The following STAT3 variants were observed in gnomAD, a reference collection of about 807,000 sequenced individuals.
STAT3 encodes signal transducer and activator of transcription 3.
Under a neutral mutation model 114.3 loss-of-function variants are expected in STAT3, and 7 were observed. The ratio of observed to expected loss-of-function variants is 0.06; its 90% CI spans 0.03 to 0.11. The LOEUF is 0.11. Among genes scored for constraint, STAT3 ranks in the 10% least tolerant of loss-of-function variants. The probability of loss-of-function intolerance (pLI) is 1.00; values close to 1 mark genes in which losing one functional copy is unlikely to be tolerated. For missense variants in STAT3, 364 were observed against 960.9 expected (o/e 0.38, Z 8.21); for synonymous variants, 331 against 354.5 (o/e 0.93, Z 0.74).
intron 1 of STAT3, among the ~76,000 whole-genome samples, chr17:42,378,930 C>A (rs1361690854): frequency 2.0e-5 from 3 of 152,144 alleles, no homozygotes; most frequent in African/African-American, 7.2e-5. Flanking sequence ...TTTTAGGAAG[C>A]TTTCACCGAA....
Position 42,333,573 on chromosome 17 carries a change from A to G in STAT3, c.1049+100T>C. On this transcript the variant is annotated intron_variant, in intron 10 of 23. Coordinates refer to ENST00000264657, the MANE Select transcript of STAT3 (RefSeq NM_139276.3). The surrounding 1 kb of genome is among the most constrained non-coding windows in gnomAD (Gnocchi z 5.2). ...CCCGCAACAGTGTACTGCCTGTGAC[A>G]CCACACCTGGAAAGAATGACCCTGG... 4 of 1,357,668 alleles carry G rather than the reference A, an allele frequency of 2.9e-6. No individual in the cohort carries two copies. The highest frequency in any genetic ancestry group is 4.2e-6 in the Non-Finnish European group (4 of 959,652). 84.1% of individuals were successfully genotyped at this position (1,357,668 alleles called of 1,614,324 possible).
intron 8 of STAT3, 91 bp from the exon 9 acceptor site, chr17:42,334,140 C>T: frequency 6.9e-7 from 1 of 1,449,952 alleles, no homozygotes; most frequent in South Asian, 1.2e-5. Flanking sequence ...GACATGGAGA[C>T]CACTACAATA....
chr17:42,330,620 G>A (rs563195060), intron 11 of STAT3, among the ~76,000 whole-genome samples: 69 of 150,850 alleles, frequency 4.6e-4, no homozygotes, highest in African/African-American at 1.6e-3. Context: ...TAGTAGAGAC[G>A]GGGTTTCACC....
intron 1 of STAT3, among the ~76,000 whole-genome samples, chr17:42,357,792 A>C (rs1275740963): frequency 6.6e-6 from 1 of 152,220 alleles, no homozygotes; most frequent in Non-Finnish European, 1.5e-5. Context: ...AGTTTAAAAC[A>C]TAACTCAAAA....
rs766679605 is a variant in STAT3, at chr17:42,329,464, GA to G, written c.1234-8del. 4 of 1,614,060 alleles carry G rather than the reference GA, an allele frequency of 2.5e-6. No individual in the cohort carries two copies. The highest frequency in any genetic ancestry group is 1.3e-5 in the African/African-American group (1 of 74,908). ...ATCTCTGCTCCCTCAGGGTCTGTAA[GA>G]AAAGAAAAAGGCAGGTGTCCTGTGA... On this transcript the variant is annotated splice_polypyrimidine_tract_variant and splice_region_variant and intron_variant, in intron 13 of 23. Coordinates refer to ENST00000264657, the MANE Select transcript of STAT3 (RefSeq NM_139276.3).
At chr17:42,376,332 G>A (rs1390554480) in intron 1 of STAT3, among the ~76,000 whole-genome samples, 1 of 152,100 alleles carries the variant, frequency 6.6e-6, no homozygotes. Context: ...CCACCACTGT[G>A]AGTCTGACAG....
intron 1 of STAT3, among the ~76,000 whole-genome samples, chr17:42,372,431 C>A (rs558973464): frequency 3.9e-5 from 6 of 152,272 alleles, no homozygotes; most frequent in African/African-American, 1.2e-4. Context: ...AAATGCATAT[C>A]ATTTACTGAA....
Position 42,348,100 on chromosome 17 carries a change from A to G in STAT3, c.128+289T>C, listed in dbSNP as rs1041421437. ...ATGTCTACCACATCACTGGATTATC[A>G]GAATATATAGAGGATCTGCCCAAGT... On this transcript the variant is annotated intron_variant, in intron 2 of 23. Transcript: ENST00000264657. Among the ~76,000 whole-genome samples the G allele has an allele frequency of 2.6e-5, 4 of 152,218 alleles. No individual in the cohort carries two copies. In the East Asian group the frequency reaches 5.8e-4, roughly 22 times the overall value.
chr17:42,350,933 C>T (rs918467261), intron 1 of STAT3, among the ~76,000 whole-genome samples: 6 of 151,900 alleles, frequency 3.9e-5, no homozygotes, highest in African/African-American at 1.5e-4. Context: ...GAGATCGAGA[C>T]CATCCTGGCC....
At chr17:42,317,560 G>A (rs778599874) in intron 21 of STAT3, 13 of 425,106 alleles carry the variant, frequency 3.1e-5, no homozygotes, top group Admixed American at 1.8e-4. Context: ...CAGCCTCCAC[G>A]TGGTCTGAGC....
intron 2 of STAT3, among the ~76,000 whole-genome samples, chr17:42,348,151 G>A (rs2082779971): frequency 6.6e-6 from 1 of 152,132 alleles, no homozygotes; most frequent in Non-Finnish European, 1.5e-5. Flanking sequence ...CAACCTTCAA[G>A]ACATCCACCA....
intron 3 of STAT3, 55 bp downstream of exon 3, chr17:42,346,514 C>CT: frequency 6.2e-7 from 1 of 1,612,758 alleles, no homozygotes. Context: ...GGAAAGAACA[C>CT]TAACACCCGA....
intron 21 of STAT3, among the ~76,000 whole-genome samples, chr17:42,319,525 G>C (rs908159715): frequency 4.4e-5 from 5 of 113,288 alleles, no homozygotes; most frequent in South Asian, 3.1e-4. Context: ...CTGGACGATA[G>C]AGCGAGACTC....
chr17:42,317,976 C>T (rs1318141100), intron 21 of STAT3, among the ~76,000 whole-genome samples: 3 of 152,134 alleles, frequency 2.0e-5, no homozygotes, highest in Non-Finnish European at 4.4e-5. Context: ...TGTTTTGAGA[C>T]AGAGTCTCAC....
At position 42,329,279 on chromosome 17, in the gene STAT3, G is replaced by A. The variant is rs1340269153; in HGVS notation, c.1281+131C>T. On this transcript the variant is annotated intron_variant, in intron 14 of 23. Coordinates refer to ENST00000264657, the MANE Select transcript of STAT3 (RefSeq NM_139276.3). ...TCTGTTCATGTCACTTTGGCCTGAA[G>A]TGACTTTTTGGAATAACTACAGCTG... 5 of 1,369,972 alleles carry A rather than the reference G, an allele frequency of 3.6e-6. No homozygotes were observed. In the East Asian group the frequency reaches 1.1e-4, roughly 31 times the overall value. 84.9% of individuals were successfully genotyped at this position (1,369,972 alleles called of 1,614,324 possible). A position where few individuals can be genotyped will look rare whatever the true frequency, so the allele number is the denominator to read the frequency against.
At chr17:42,350,256 T>A (rs1402552728) in intron 1 of STAT3, among the ~76,000 whole-genome samples, 1 of 152,132 alleles carries the variant, frequency 6.6e-6, no homozygotes, top group Non-Finnish European at 1.5e-5. Flanking sequence ...GGCTTTTTCA[T>A]AAAAATGACT....
At chr17:42,330,895 C>T (rs780989765) in intron 11 of STAT3, among the ~76,000 whole-genome samples, 6 of 152,126 alleles carry the variant, frequency 3.9e-5, no homozygotes, top group East Asian at 3.8e-4. Context: ...AACGACGTTT[C>T]GGTCAACAAC....
At chr17:42,381,047 A>T (rs773197089) in intron 1 of STAT3, among the ~76,000 whole-genome samples, 2 of 152,190 alleles carry the variant, frequency 1.3e-5, no homozygotes, top group Non-Finnish European at 2.9e-5. Context: ...CGTTTCCACA[A>T]TTGTGGACAG....
At chr17:42,352,193 G>A (rs1259741540) in intron 1 of STAT3, among the ~76,000 whole-genome samples, 3 of 151,970 alleles carry the variant, frequency 2.0e-5, no homozygotes, top group African/African-American at 7.3e-5. Flanking sequence ...ACAAAAATTA[G>A]CCGAGCATGG....
Sources: allele counts gnomAD v4.1 joint callset (sites outside exome capture counted in the v4.1 genomes callset), GRCh38; gene constraint gnomAD v4.1.1; non-coding constraint Gnocchi (gnomAD v3.1); transcripts MANE v1.5; gene names NCBI Gene and HGNC (gene_info 2026-07-23, HGNC 2026-07-21).